Variants in TBC1D5 observed in about 807,000 individuals in gnomAD.
The protein encoded by TBC1D5 is TBC1 domain family member 5, also known as TBC1 domain family, member 5.
TBC1D5 carries 75 observed loss-of-function variants against 100.3 expected under a neutral mutation model. The observed-to-expected ratio is 0.75, with a 90% CI of 0.62 to 0.91. The LOEUF (loss-of-function observed/expected upper bound fraction) is 0.91, where lower values mean the gene tolerates loss of function less well. TBC1D5 is among the 40% of genes least tolerant of loss of function. The pLI is 0.00. For missense variants in TBC1D5, 910 were observed against 942.4 expected, an observed-to-expected ratio of 0.97 and a Z score of 0.45; for synonymous variants, 323 against 325.6, an observed-to-expected ratio of 0.99 and a Z score of 0.09.
intron 15 of TBC1D5, among the ~76,000 whole-genome samples, chr3:17,262,481 T>G (rs938126079): frequency 1.4e-5 from 1 of 70,122 alleles, no homozygotes; most frequent in Admixed American, 1.2e-4. Context: ...AAACAATGTT[T>G]TTTTTTTTTT....
rs567279126 is a variant in TBC1D5 at position 17,260,349 on chromosome 3, A to C, written c.1246-1758T>G. On this transcript the variant is annotated intron_variant, in intron 15 of 21. Coordinates refer to ENST00000253692, the Ensembl canonical transcript of TBC1D5. ...AGGGATCACATGGAGCAATTACTTG[A>C]AACATCTTTATAAAGAAATGACAAG... Among the ~76,000 whole-genome samples, 4 of 152,330 alleles carry C rather than the reference A, an allele frequency of 2.6e-5. No homozygotes were observed. The East Asian group carries it at 7.7e-4, about 29-fold the overall frequency.
chr3:17,287,018 G>A (rs2081255646), intron 15 of TBC1D5, among the ~76,000 whole-genome samples: 1 of 152,188 alleles, frequency 6.6e-6, no homozygotes, highest in South Asian at 2.1e-4. Context: ...ATATATGACA[G>A]TAGTAACAGG....
chr3:17,361,465 T>G (rs1470382160), intron 13 of TBC1D5, among the ~76,000 whole-genome samples: 1 of 152,056 alleles, frequency 6.6e-6, no homozygotes, highest in Non-Finnish European at 1.5e-5. Flanking sequence ...AATAGTAGAA[T>G]AAACAATCAT....
chr3:17,693,089 T>C (rs369254213), intron 1 of TBC1D5, among the ~76,000 whole-genome samples: 42 of 152,360 alleles, frequency 2.8e-4, no homozygotes, highest in African/African-American at 9.6e-4. Flanking sequence ...GACCTTGGAC[T>C]TCTCAGCCTT....
At chr3:17,386,112 C>T (rs1466851824) in intron 8 of TBC1D5, among the ~76,000 whole-genome samples, 1 of 152,012 alleles carries the variant, frequency 6.6e-6, no homozygotes, top group Non-Finnish European at 1.5e-5. Context: ...GAAACTTAGC[C>T]ATTAAGCTAC....
At chr3:17,560,493 T>A (rs2096551541) in intron 2 of TBC1D5, among the ~76,000 whole-genome samples, 1 of 151,860 alleles carries the variant, frequency 6.6e-6, no homozygotes, top group Admixed American at 6.6e-5. Context: ...GTGGTATGAA[T>A]CTGTAGTCCT....
chr3:17,466,531 A>C (rs1468470096), intron 3 of TBC1D5, among the ~76,000 whole-genome samples: 1 of 152,174 alleles, frequency 6.6e-6, no homozygotes, highest in East Asian at 1.9e-4. Context: ...TCTCTTTTCT[A>C]CTTACTTATT....
chr3:17,598,001 C>CT (rs201093325), intron 2 of TBC1D5, among the ~76,000 whole-genome samples: 1,792 of 109,150 alleles, frequency 0.016, 20 homozygotes, highest in Non-Finnish European at 0.028. Context: ...CCATTCCCTG[C>CT]CCCCCCGCCC....
chr3:17,317,447 G>C (rs1488561647), intron 13 of TBC1D5, among the ~76,000 whole-genome samples: 1 of 152,092 alleles, frequency 6.6e-6, no homozygotes, highest in Non-Finnish European at 1.5e-5. Context: ...GGTTTGGTTG[G>C]AAATCTAGAA....
At chr3:17,704,316 T>C (rs2073658961) in intron 1 of TBC1D5, among the ~76,000 whole-genome samples, 2 of 151,322 alleles carry the variant, frequency 1.3e-5, no homozygotes, top group African/African-American at 4.8e-5. Flanking sequence ...CTCCCATGTC[T>C]ACTTCTTTCT....
chr3:17,637,962 A>G (rs1388299006), intron 1 of TBC1D5, among the ~76,000 whole-genome samples: 1 of 152,202 alleles, frequency 6.6e-6, no homozygotes, highest in Non-Finnish European at 1.5e-5. Context: ...AACAGTTACT[A>G]TTAGGAAATT....
chr3:17,730,470 A>T (rs2076468141), intron 1 of TBC1D5, among the ~76,000 whole-genome samples: 1 of 152,190 alleles, frequency 6.6e-6, no homozygotes, highest in Non-Finnish European at 1.5e-5. Context: ...TGGCCAGGCC[A>T]CAGGAAAAGG....
intron 2 of TBC1D5, among the ~76,000 whole-genome samples, chr3:17,520,605 G>T (rs1049602067): frequency 1.3e-5 from 2 of 151,506 alleles, no homozygotes; most frequent in African/African-American, 4.8e-5. Flanking sequence ...ATAGAATTAG[G>T]GTACAATCAA....
At chr3:17,164,983 G>T (rs1046523588) in intron 21 of TBC1D5, among the ~76,000 whole-genome samples, 1 of 151,948 alleles carries the variant, frequency 6.6e-6, no homozygotes, top group African/African-American at 2.4e-5. Context: ...CAGAGAAGAG[G>T]TAGAGAAGAG....
At chr3:17,210,176 A>T (rs2072771739) in intron 18 of TBC1D5, among the ~76,000 whole-genome samples, 1 of 150,560 alleles carries the variant, frequency 6.6e-6, no homozygotes, top group African/African-American at 2.4e-5. Flanking sequence ...GTTAGAAGTA[A>T]TTTTTTTTCA....
intron 17 of TBC1D5, among the ~76,000 whole-genome samples, chr3:17,219,463 G>C (rs1308951325): frequency 6.9e-6 from 1 of 145,096 alleles, no homozygotes; most frequent in Non-Finnish European, 1.5e-5. Context: ...CTTTGTGTGG[G>C]CCATACTTTC....
intron 3 of TBC1D5, among the ~76,000 whole-genome samples, chr3:17,468,506 A>G (rs938723596): frequency 2.6e-5 from 4 of 152,150 alleles, no homozygotes; most frequent in African/African-American, 9.7e-5. Context: ...CAAAGAAATT[A>G]CTGCTTTCAA....
chr3:17,185,337 G>A, intron 18 of TBC1D5, 129 bp from the exon 20 acceptor site: 19 of 638,464 alleles, frequency 3.0e-5, no homozygotes, highest in South Asian at 1.9e-4. Context: ...AATCTAAATA[G>A]CAAACAAAAA....
At chr3:17,580,330 T>C (rs967718407) in intron 2 of TBC1D5, among the ~76,000 whole-genome samples, 9 of 152,032 alleles carry the variant, frequency 5.9e-5, no homozygotes, top group Middle Eastern at 3.2e-3. Flanking sequence ...GGAAACACCA[T>C]ACATTTACAT....
Sources: allele counts gnomAD v4.1 joint callset (sites outside exome capture counted in the v4.1 genomes callset), GRCh38; gene constraint gnomAD v4.1.1; transcripts MANE v1.5; gene names NCBI Gene and HGNC (gene_info 2026-07-23, HGNC 2026-07-21).